Variants in SNTG1 observed in about 807,000 individuals in gnomAD.
SNTG1 encodes the protein gamma-1-syntrophin.
SNTG1 carries 39 observed loss-of-function variants against 74.7 expected under a neutral mutation model. The ratio of observed to expected loss-of-function variants is 0.52; its 90% confidence interval spans 0.40 to 0.68. The LOEUF is 0.68. SNTG1 is among the 30% of genes least tolerant of loss of function. SNTG1 has a pLI of 0.00. For missense variants in SNTG1, 685 were observed against 609.5 expected, an observed-to-expected ratio of 1.12 and a Z score of -1.30; for synonymous variants, 254 against 217.1, an observed-to-expected ratio of 1.17 and a Z score of -1.49.
rs547853472 is a variant in SNTG1, at chr8:50,658,531, C to A, written c.967-61C>A. 4.7e-5 allele frequency: 58 copies of A among 1,228,924 alleles called. No homozygotes were observed. The African/African-American group carries it at 8.1e-4, about 17-fold the overall frequency. 76.1% of individuals were successfully genotyped at this position (1,228,924 alleles called of 1,614,324 possible). ...TTATTTTTCACTATATTATGCAAATCAAATACAGTGGTAAATAACTTTCTA... is the reference window on the plus strand; with the variant it reads ...TTATTTTTCACTATATTATGCAAATAAAATACAGTGGTAAATAACTTTCTA... On this transcript the variant is annotated intron_variant, in intron 14 of 18. Transcript: ENST00000642720.
chr8:50,113,732 G>C (rs543541827), intron 1 of SNTG1, among the ~76,000 whole-genome samples: 3 of 152,114 alleles, frequency 2.0e-5, no homozygotes. Context: ...GTCATAAATA[G>C]CTTTTATTAT....
chr8:50,742,658 G>T (rs2095546068), intron 17 of SNTG1, among the ~76,000 whole-genome samples: 2 of 151,322 alleles, frequency 1.3e-5, no homozygotes, highest in South Asian at 4.2e-4. Context: ...CTGAAAGCTA[G>T]CTAGAAAGGT....
chr8:50,752,785 T>G (rs971535369), intron 18 of SNTG1, among the ~76,000 whole-genome samples: 1 of 151,966 alleles, frequency 6.6e-6, no homozygotes, highest in Non-Finnish European at 1.5e-5. Flanking sequence ...CTTGATGATA[T>G]TTTTGGCAAA....
rs186903469 is a variant in SNTG1 at position 50,363,012 on chromosome 8, T to C, written c.-27-31200T>C. On this transcript the variant is annotated intron_variant, in intron 2 of 18. Transcript: ENST00000642720. ...GAAACTCATGGCCTCTTCCTTTCTT[T>C]AGCCCTATCAGGACATAGCAGAACT... Among the ~76,000 whole-genome samples, 380 of 152,274 alleles carry C rather than the reference T, an allele frequency of 2.5e-3. 2 individuals are homozygous for C. The highest frequency in any genetic ancestry group is 8.7e-3 in the African/African-American group (363 of 41,556).
At chr8:49,940,368 A>T (rs772610448) in intron 1 of SNTG1, among the ~76,000 whole-genome samples, 3 of 152,156 alleles carry the variant, frequency 2.0e-5, no homozygotes, top group Non-Finnish European at 1.5e-5. Context: ...GCTTAGCGAA[A>T]AAGTAGATTT....
intron 2 of SNTG1, among the ~76,000 whole-genome samples, chr8:50,339,146 A>T (rs2091241967): frequency 6.6e-6 from 1 of 152,094 alleles, no homozygotes; most frequent in African/African-American, 2.4e-5. Context: ...TGAAATAATT[A>T]AAATGTTGAA....
chr8:49,997,344 T>C (rs570612717), intron 1 of SNTG1, among the ~76,000 whole-genome samples: 119 of 152,138 alleles, frequency 7.8e-4, no homozygotes, highest in Non-Finnish European at 1.5e-3. Context: ...CCTTCATAGA[T>C]TATTCCCATA....
At chr8:50,532,600 C>G (rs892928260) in intron 10 of SNTG1, among the ~76,000 whole-genome samples, 1 of 152,170 alleles carries the variant, frequency 6.6e-6, no homozygotes, top group African/African-American at 2.4e-5. Flanking sequence ...GTAATCAGAC[C>G]GTGCAGGCTT....
chr8:50,021,340 G>T (rs186062117), intron 1 of SNTG1, among the ~76,000 whole-genome samples: 1 of 152,038 alleles, frequency 6.6e-6, no homozygotes, highest in Non-Finnish European at 1.5e-5. Flanking sequence ...GCTGTCTGTT[G>T]TCACAGCTGG....
At chr8:50,389,036 A>G (rs1203081796) in intron 2 of SNTG1, among the ~76,000 whole-genome samples, 2 of 152,180 alleles carry the variant, frequency 1.3e-5, no homozygotes, top group Non-Finnish European at 2.9e-5. Context: ...CTTTAAGGCC[A>G]GGCCAACAGG....
chr8:50,527,326 C>A (rs1197478491), intron 9 of SNTG1, among the ~76,000 whole-genome samples: 1 of 152,072 alleles, frequency 6.6e-6, no homozygotes. Flanking sequence ...TCTTTGTTAG[C>A]AGAAGCTTTA....
At chr8:50,510,845 G>T (rs1236464214) in intron 9 of SNTG1, among the ~76,000 whole-genome samples, 1 of 151,912 alleles carries the variant, frequency 6.6e-6, no homozygotes, top group Admixed American at 6.6e-5. Flanking sequence ...TATCAATTTT[G>T]TTGATATTTT....
chr8:50,739,586 G>C (rs1338982632), intron 17 of SNTG1, among the ~76,000 whole-genome samples: 1 of 151,376 alleles, frequency 6.6e-6, no homozygotes, highest in Non-Finnish European at 1.5e-5. Flanking sequence ...TGGGGCTGGG[G>C]GAGGGATAGC....
intron 2 of SNTG1, among the ~76,000 whole-genome samples, chr8:50,377,894 G>C (rs752091096): frequency 1.3e-5 from 2 of 152,222 alleles, no homozygotes; most frequent in Non-Finnish European, 2.9e-5. Flanking sequence ...AAGCAGAGTA[G>C]GTATAACTGG....
In SNTG1 at chr8:50,794,113, T is replaced by C. The variant is rs1246053885; in HGVS notation, c.*1284T>C. The C allele has an allele frequency of 6.6e-6, 1 of 150,852 alleles. No individual in the cohort carries two copies. Among genetic ancestry groups the C allele is most frequent in the Non-Finnish European group, 1.5e-5 (1 of 67,702 alleles). The allele number at this position is 150,852 out of a possible 1,614,324, so 9.3% of individuals were successfully genotyped here. On this transcript the variant is annotated 3_prime_UTR_variant, in exon 19 of 19. Coordinates refer to ENST00000642720, the MANE Select transcript of SNTG1 (RefSeq NM_018967.5). ...TTGAGATATTTTAAAAAGTCAGCTG[T>C]GTATGTAAAAAAAAAAAAAAATTTT...
intron 2 of SNTG1, among the ~76,000 whole-genome samples, chr8:50,274,209 C>T (rs1289881094): frequency 6.6e-6 from 1 of 151,964 alleles, no homozygotes; most frequent in South Asian, 2.1e-4. Context: ...ACCTCAGCCC[C>T]CCTAGTAGCT....
chr8:50,165,152 C>T (rs980460511), intron 1 of SNTG1, among the ~76,000 whole-genome samples: 4 of 152,128 alleles, frequency 2.6e-5, no homozygotes, highest in Non-Finnish European at 5.9e-5. Context: ...ACAGGCATAG[C>T]TTTGCTTACT....
At chr8:50,588,062 G>A (rs920623122) in intron 12 of SNTG1, among the ~76,000 whole-genome samples, 6 of 151,946 alleles carry the variant, frequency 3.9e-5, no homozygotes, top group African/African-American at 1.4e-4. Context: ...GGAGGCTGCA[G>A]TGAGCTGAGA....
chr8:50,084,063 A>T (rs2131099272), intron 1 of SNTG1, among the ~76,000 whole-genome samples: 1 of 152,342 alleles, frequency 6.6e-6, no homozygotes, highest in Non-Finnish European at 1.5e-5. Context: ...TTCTAAATGT[A>T]ATAGATACTC....
Sources: allele counts gnomAD v4.1 joint callset (sites outside exome capture counted in the v4.1 genomes callset), GRCh38; gene constraint gnomAD v4.1.1; transcripts MANE v1.5; gene names NCBI Gene and HGNC (gene_info 2026-07-23, HGNC 2026-07-21).